SIMC1: variants seen among roughly 807,000 people sequenced by gnomAD.
SIMC1 encodes the protein SUMO interacting motifs containing 1.
SIMC1 carries 55 observed loss-of-function variants against 82.3 expected under a neutral mutation model. The ratio of observed to expected loss-of-function variants is 0.67; its 90% CI spans 0.54 to 0.84. The LOEUF (loss-of-function observed/expected upper bound fraction) is 0.84, where lower values mean the gene tolerates loss of function less well. SIMC1 is among the 40% of genes least tolerant of loss of function. The probability of loss-of-function intolerance (pLI) is 0.00; values close to 1 mark genes in which losing one functional copy is unlikely to be tolerated. For synonymous variants in SIMC1, 353 were observed against 426.3 expected, an observed-to-expected ratio of 0.83 and a Z score of 2.12; for missense variants, 915 against 1,107.2, an observed-to-expected ratio of 0.83 and a Z score of 2.46.
intron 5 of SIMC1, among the ~76,000 whole-genome samples, chr5:176,314,814 A>G (rs916437936): frequency 3.9e-5 from 6 of 152,226 alleles, no homozygotes; most frequent in African/African-American, 1.4e-4. Context: ...ATAACCATTC[A>G]GTAGAAACTA....
At chr5:176,263,435 C>G in intron 1 of SIMC1, 1 of 1,545,096 alleles carries the variant, frequency 6.5e-7, no homozygotes, top group Non-Finnish European at 8.7e-7. Flanking sequence ...AGAAGCATGG[C>G]ACCAGCATCT....
intron 1 of SIMC1, among the ~76,000 whole-genome samples, chr5:176,289,451 G>A (rs978070752): frequency 6.6e-6 from 1 of 151,954 alleles, no homozygotes; most frequent in African/African-American, 2.4e-5. Flanking sequence ...CTAGTCATGC[G>A]TATGTGGCAT....
At position 176,313,751 on chromosome 5, in the gene SIMC1, G is replaced by T. The variant is rs1444706625; in HGVS notation, c.1795G>T (p.Asp599Tyr). The T allele has an allele frequency of 1.9e-6, 3 of 1,613,960 alleles. No individual in the cohort carries two copies. Among genetic ancestry groups the T allele is most frequent in the Non-Finnish European group, 2.5e-6 (3 of 1,179,884 alleles). ...LRYVVQTLED[D>Y]FQQTLRRQRQ... ...TTATGTCGTTCAGACCCTAGAAGAT[G>T]ACTTTCAGCAGACCCTGAGGAGGCA... Residue 599 changes from aspartate (D) to tyrosine (Y), a missense_variant, in exon 5 of 10, where the codon GAC (aspartate) becomes TAC (tyrosine). Transcript: ENST00000429602.
At chr5:176,259,045 A>G (rs1281970312) in intron 1 of SIMC1, among the ~76,000 whole-genome samples, 3 of 152,056 alleles carry the variant, frequency 2.0e-5, no homozygotes, top group East Asian at 1.9e-4. Context: ...CATCACCACT[A>G]TCTAATTTTA....
chr5:176,267,733 GTTTTTTTTTTTTTTT>G (rs1159766316), intron 1 of SIMC1, among the ~76,000 whole-genome samples: 130 of 27,194 alleles, frequency 4.8e-3, no homozygotes, highest in Admixed American at 7.2e-3. Flanking sequence ...TTTTCTTTCT[GTTTTTTTTTTTTTTT>G]TTTTTTTTTT....
chr5:176,304,834 C>T (rs1218453754), intron 4 of SIMC1, among the ~76,000 whole-genome samples: 3 of 150,290 alleles, frequency 2.0e-5, no homozygotes, highest in South Asian at 2.1e-4. Flanking sequence ...GCCTCTGCCC[C>T]GCCGCCCCAT....
chr5:176,291,796 A>G (rs1262909066), intron 2 of SIMC1, among the ~76,000 whole-genome samples: 1 of 152,114 alleles, frequency 6.6e-6, no homozygotes, highest in Non-Finnish European at 1.5e-5. Context: ...TACCTTTTTA[A>G]GCCTTAGCTT....
rs1415161028 is a variant in SIMC1, at chr5:176,280,836, C to T, written c.130-8818C>T. On this transcript the variant is annotated intron_variant, in intron 1 of 9. Transcript: ENST00000429602. ...GGTGGGCTTCCCTTTGTGGGTAACC[C>T]GACCTTTCTCTCTGGCTGCCCTTAA... 8.5e-5 allele frequency among the ~76,000 whole-genome samples: 13 copies of T among 152,258 alleles called. No individual in the cohort carries two copies. The East Asian group carries it at 2.1e-3, about 25-fold the overall frequency.
At position 176,286,091 on chromosome 5, in the gene SIMC1, C is replaced by T. The variant is rs551897562; in HGVS notation, c.130-3563C>T. Among the ~76,000 whole-genome samples the T allele has an allele frequency of 3.6e-3, 555 of 152,384 alleles. 1 individual carries two copies. Among genetic ancestry groups the T allele is most frequent in the African/African-American group, 0.013 (528 of 41,584 alleles). ...TAATTTATAGATTCAATGCCATCTC[C>T]ATGAAGCTACCAATGACTTTCTTCT... On this transcript the variant is annotated intron_variant, in intron 1 of 9. Transcript: ENST00000429602.
At chr5:176,289,618 A>G (rs748580937) in intron 1 of SIMC1, 36 bp from the exon 2 acceptor site, 2 of 1,506,290 alleles carry the variant, frequency 1.3e-6, no homozygotes, top group South Asian at 2.7e-5. Context: ...TAATACTCCC[A>G]TCTTGACCTC....
At chr5:176,276,349 T>A (rs1157617219) in intron 1 of SIMC1, among the ~76,000 whole-genome samples, 3 of 151,790 alleles carry the variant, frequency 2.0e-5, no homozygotes, top group Non-Finnish European at 4.4e-5. Flanking sequence ...TGCGACTGTT[T>A]GATTCTTCTC....
chr5:176,336,669 C>T, intron 7 of SIMC1, 51 bp from the exon 8 acceptor site: 1 of 1,593,344 alleles, frequency 6.3e-7, no homozygotes, highest in South Asian at 1.1e-5. Flanking sequence ...GGCTCATGTT[C>T]TTTGAAGCAT....
intron 4 of SIMC1, chr5:176,304,456 C>A (rs1040049688): frequency 1.2e-5 from 2 of 172,918 alleles, no homozygotes; most frequent in Non-Finnish European, 2.5e-5. Flanking sequence ...CCCGAGGTGC[C>A]GGGATTGCAG....
intron 1 of SIMC1, among the ~76,000 whole-genome samples, chr5:176,289,337 T>G (rs1012641439): frequency 1.3e-5 from 2 of 152,134 alleles, no homozygotes; most frequent in Non-Finnish European, 2.9e-5. Flanking sequence ...GTATTTGACC[T>G]TCCAAACAAA....
chr5:176,255,772 G>A (rs1278781813), intron 1 of SIMC1, among the ~76,000 whole-genome samples: 1 of 149,068 alleles, frequency 6.7e-6, no homozygotes, highest in South Asian at 2.1e-4. Flanking sequence ...AAAGCCAAGA[G>A]CACAGAATCA....
chr5:176,293,072 C>A (rs766704167), intron 2 of SIMC1, among the ~76,000 whole-genome samples: 1 of 151,986 alleles, frequency 6.6e-6, no homozygotes, highest in Non-Finnish European at 1.5e-5. Context: ...AAATCTGTTT[C>A]TTTATTTATG....
Position 176,267,740 on chromosome 5 carries a change from T to G in SIMC1, c.130-21914T>G, listed in dbSNP as rs1191060678. Among the ~76,000 whole-genome samples the G allele has an allele frequency of 1.0e-4, 9 of 88,390 alleles. No homozygotes were observed. The East Asian group carries it at 1.4e-3, about 14-fold the overall frequency. 58.0% of individuals were successfully genotyped at this position (88,390 alleles called of 152,430 possible). On this transcript the variant is annotated intron_variant, in intron 1 of 9. Coordinates refer to ENST00000429602, the MANE Select transcript of SIMC1 (RefSeq NM_001308195.2). ...AAATTTTCTTTTCTTTCTGTTTTTT[T>G]TTTTTTTTTTTTTTTTTTTTTTGTC...
At chr5:176,298,592 T>C (rs1001512644) in intron 4 of SIMC1, among the ~76,000 whole-genome samples, 3 of 152,178 alleles carry the variant, frequency 2.0e-5, no homozygotes, top group Admixed American at 1.3e-4. Context: ...GCCACTGCAC[T>C]CCAGCTTGGG....
At chr5:176,304,235 C>CCTCTCCCTCTCCCTCTCT (rs1005304152) in intron 4 of SIMC1, 2 of 152,650 alleles carry the variant, frequency 1.3e-5, no homozygotes, top group African/African-American at 2.4e-5. Flanking sequence ...TCTCCCTCTC[C>CCTCTCCCTCTCCCTCTCT]CTCTCATGCG....
Sources: gnomAD v4.1 joint callset for allele counts (sites outside exome capture counted in the v4.1 genomes callset) on GRCh38, gnomAD v4.1.1 for gene constraint, MANE v1.5 for transcripts, NCBI Gene and HGNC (gene_info 2026-07-23, HGNC 2026-07-21) for gene names.